Variants in DAPK2 observed in about 807,000 individuals in gnomAD.
DAPK2 encodes death-associated protein kinase 2.
In DAPK2, 35 loss-of-function variants were observed where a neutral mutation model predicts 44.1. The ratio of observed to expected loss-of-function variants is 0.79; its 90% CI spans 0.61 to 1.05. The LOEUF is 1.05. Among genes scored for constraint, DAPK2 ranks in the 50% least tolerant of loss-of-function variants. The pLI is 0.00. For missense variants in DAPK2, 453 were observed against 483.2 expected (o/e 0.94, Z 0.59); for synonymous variants, 174 against 182.6 (o/e 0.95, Z 0.38).
chr15:64,002,959 T>G lies in DAPK2; in HGVS notation c.93-19205A>C, dbSNP rs1567266507. ...GTGTGTGTGTGTGTGTGTGTGTGTGTGTGTGTCGTGGGACCTGTGTGTGTG... is the reference window on the plus strand; with the variant it reads ...GTGTGTGTGTGTGTGTGTGTGTGTGGGTGTGTCGTGGGACCTGTGTGTGTG... On this transcript the variant is annotated intron_variant, in intron 1 of 10. Transcript: ENST00000261891. 3.5e-3 allele frequency among the ~76,000 whole-genome samples: 357 copies of G among 102,930 alleles called. 4 individuals are homozygous for G. The East Asian group carries it at 0.041, about 12-fold the overall frequency. 67.5% of individuals were successfully genotyped at this position (102,930 alleles called of 152,430 possible). A position where few individuals can be genotyped will look rare whatever the true frequency, so the allele number is the denominator to read the frequency against.
At chr15:63,918,750 C>T (rs990127091) in intron 8 of DAPK2, 1 of 152,432 alleles carries the variant, frequency 6.6e-6, no homozygotes, top group African/African-American at 2.4e-5. Context: ...GAGACTGAGG[C>T]AGGAGAATTG....
chr15:64,000,844 A>G (rs1400756102), intron 1 of DAPK2, among the ~76,000 whole-genome samples: 1 of 150,976 alleles, frequency 6.6e-6, no homozygotes, highest in African/African-American at 2.4e-5. Flanking sequence ...CTGACTGCTT[A>G]CTCCCCAATC....
At chr15:63,927,769 CTTGCTCTG>C in intron 6 of DAPK2, among the ~76,000 whole-genome samples, 2 of 147,918 alleles carry the variant, frequency 1.4e-5, no homozygotes, top group East Asian at 3.9e-4. Flanking sequence ...GAGACAGGGT[CTTGCTCTG>C]TTGCCCAGGA....
chr15:63,922,956 T>C, intron 8 of DAPK2: 3 of 1,535,936 alleles, frequency 2.0e-6, no homozygotes, highest in Non-Finnish European at 2.6e-6. Context: ...TTCCTGGCCA[T>C]GCTTCCGAGG....
intron 1 of DAPK2, among the ~76,000 whole-genome samples, chr15:64,021,071 C>G (rs1409490517): frequency 6.6e-6 from 1 of 152,190 alleles, no homozygotes; most frequent in Non-Finnish European, 1.5e-5. Flanking sequence ...AAGCCACAAC[C>G]CTGATCTAGA....
intron 1 of DAPK2, among the ~76,000 whole-genome samples, chr15:64,033,313 GAAGGAAGGAAGGA>G (rs2080080944): frequency 7.0e-6 from 1 of 142,298 alleles, no homozygotes; most frequent in South Asian, 2.9e-4. Context: ...AGGAAGGAAG[GAAGGAAGGAAGGA>G]AAAAAAAAAT....
At chr15:63,961,856 G>A (rs539213194) in intron 3 of DAPK2, among the ~76,000 whole-genome samples, 15 of 152,180 alleles carry the variant, frequency 9.9e-5, no homozygotes, top group African/African-American at 3.4e-4. Context: ...TCTTTGTGGC[G>A]TTCTCTGTAT....
Position 63,912,304 on chromosome 15 carries a change from A to T in DAPK2, c.859-107T>A. On this transcript the variant is annotated intron_variant, in intron 8 of 10. Transcript: ENST00000261891. This position sits in a 1 kb window ranked among gnomAD's most constrained non-coding sequence, Gnocchi z 4.4. ...CCGCATGCCCACCGCCCTTGGCTTG[A>T]CCCTGGCATCTCCCCGCCAGGTGGG... 1 of 1,106,350 alleles carries T rather than the reference A, an allele frequency of 9.0e-7. No individual in the cohort carries two copies. Among genetic ancestry groups the T allele is most frequent in the Non-Finnish European group, 1.3e-6 (1 of 755,910 alleles). The allele number at this position is 1,106,350 out of a possible 1,614,324, so 68.5% of individuals were successfully genotyped here. A position where few individuals can be genotyped will look rare whatever the true frequency, so the allele number is the denominator to read the frequency against.
chr15:64,008,411 T>G (rs781128115), intron 1 of DAPK2, among the ~76,000 whole-genome samples: 45 of 152,192 alleles, frequency 3.0e-4, no homozygotes, highest in Non-Finnish European at 5.4e-4. Flanking sequence ...CAGAGCCAAT[T>G]TGCCACAGAT....
intron 3 of DAPK2, among the ~76,000 whole-genome samples, chr15:63,955,446 T>C (rs2077696629): frequency 6.6e-6 from 1 of 152,240 alleles, no homozygotes; most frequent in Non-Finnish European, 1.5e-5. Context: ...CATAGTTTTC[T>C]TTGATGTGTT....
chr15:64,035,577 C>T (rs2080157416), intron 1 of DAPK2, among the ~76,000 whole-genome samples: 1 of 152,188 alleles, frequency 6.6e-6, no homozygotes, highest in Non-Finnish European at 1.5e-5. Context: ...ACCAGTTCAC[C>T]TCTTCTCCTC....
At chr15:64,007,682 G>A (rs974902129) in intron 1 of DAPK2, among the ~76,000 whole-genome samples, 11 of 152,296 alleles carry the variant, frequency 7.2e-5, no homozygotes, top group Admixed American at 3.9e-4. Flanking sequence ...CTGAGAGTCC[G>A]ACTTTTTTGG....
At chr15:63,973,460 C>T (rs1849731192) in intron 2 of DAPK2, among the ~76,000 whole-genome samples, 2 of 152,244 alleles carry the variant, frequency 1.3e-5, no homozygotes, top group South Asian at 4.1e-4. Flanking sequence ...ACCTGTCACT[C>T]CTTTATTCTT....
chr15:63,975,866 T>C (rs939908480), intron 2 of DAPK2, among the ~76,000 whole-genome samples: 4 of 152,196 alleles, frequency 2.6e-5, no homozygotes, highest in African/African-American at 4.8e-5. Context: ...AGTGTTGGGA[T>C]TACAGGTGTG....
At chr15:63,961,009 T>C (rs1209263487) in intron 3 of DAPK2, among the ~76,000 whole-genome samples, 2 of 152,234 alleles carry the variant, frequency 1.3e-5, no homozygotes, top group African/African-American at 4.8e-5. Context: ...TCTCAGGACT[T>C]GCTTTATGAA....
chr15:63,952,943 C>T (rs114732390), intron 3 of DAPK2, among the ~76,000 whole-genome samples: 1 of 151,834 alleles, frequency 6.6e-6, no homozygotes, highest in Non-Finnish European at 1.5e-5. Context: ...CCCTTCCCCC[C>T]ACCCCTGGCC....
intron 1 of DAPK2, among the ~76,000 whole-genome samples, chr15:64,025,452 G>C (rs1015650469): frequency 6.6e-6 from 1 of 152,180 alleles, no homozygotes; most frequent in East Asian, 1.9e-4. Context: ...GCTTCCCAGG[G>C]CTCTGAGTCC....
At chr15:63,985,491 C>T (rs575145487) in intron 1 of DAPK2, among the ~76,000 whole-genome samples, 1 of 152,332 alleles carries the variant, frequency 6.6e-6, no homozygotes, top group Non-Finnish European at 1.5e-5. Flanking sequence ...AAGGCAGCCA[C>T]ACGCCTCTCC....
Position 63,926,045 on chromosome 15 carries a change from C to T in DAPK2, c.708G>A (p.Leu236=), listed in dbSNP as rs1000151449. The change falls in exon 7 of 11, where the codon CTG becomes CTA. Residue 236 remains leucine, a synonymous_variant. Coordinates refer to ENST00000261891, the Ensembl canonical transcript of DAPK2. ...CGTAACTCACTGCTGTGATATTTGC[C>T]AGTGTTTCCTGCTTCGTGTCTCCCA... is the stretch of plus-strand genomic sequence containing the variant. The T allele has an allele frequency of 2.5e-6, 4 of 1,613,844 alleles. No homozygotes were observed. The Admixed American group carries it at 6.7e-5, about 27-fold the overall frequency.
Sources: gnomAD v4.1 joint callset for allele counts (sites outside exome capture counted in the v4.1 genomes callset) on GRCh38, gnomAD v4.1.1 for gene constraint, Gnocchi (gnomAD v3.1) non-coding constraint, MANE v1.5 for transcripts, NCBI Gene and HGNC (gene_info 2026-07-23, HGNC 2026-07-21) for gene names.